The following IL4R variants were observed in gnomAD, a reference collection of about 807,000 sequenced individuals.
The protein encoded by IL4R is interleukin 4 receptor.
A neutral mutation model predicts 41.5 loss-of-function variants in IL4R; 17 were observed. The ratio of observed to expected loss-of-function variants is 0.41; its 90% CI spans 0.28 to 0.61. IL4R has a LOEUF of 0.61. Ranked by LOEUF, IL4R falls within the 20% of genes least tolerant of loss-of-function variation. The pLI, the probability that IL4R is intolerant of heterozygous loss-of-function variation, is 0.31. For missense variants in IL4R, 974 were observed against 1,043.1 expected, an observed-to-expected ratio of 0.93 and a Z score of 0.91; for synonymous variants, 402 against 422.9, an observed-to-expected ratio of 0.95 and a Z score of 0.61.
At chr16:27,322,998 G>A (rs947600864) in intron 1 of IL4R, among the ~76,000 whole-genome samples, 1 of 152,038 alleles carries the variant, frequency 6.6e-6, no homozygotes, top group African/African-American at 2.4e-5. Flanking sequence ...CAGATGCTTG[G>A]GGGTCCCTGC....
chr16:27,363,126 G>T lies in IL4R; in HGVS notation c.1774G>T (p.Val592Leu), dbSNP rs138392496. 530 of 1,614,016 alleles carry T rather than the reference G, an allele frequency of 3.3e-4. No homozygotes were observed. The African/African-American group carries it at 6.4e-3, about 19-fold the overall frequency. ...GCAGGGTGGCACCCAGGCCAGTGCG[G>T]TGGTGGGCTTGGGTCCCCCAGGAGA... ...VEQGGTQASA[V>L]VGLGPPGEAG... Residue 592 changes from valine (V) to leucine (L), a missense_variant, in exon 11 of 11, where the codon GTG (valine) becomes TTG (leucine). Physicochemically the swap from Val to Leu is conservative, Grantham distance 32. Transcript: ENST00000395762.
chr16:27,318,691 G>A (rs1393831063), intron 1 of IL4R: 7 of 152,260 alleles, frequency 4.6e-5, no homozygotes, highest in South Asian at 2.1e-4. Context: ...TGAGGTCTGC[G>A]CTAAAGCCAG....
At chr16:27,350,899 G>A (rs1049927672) in intron 6 of IL4R, among the ~76,000 whole-genome samples, 4 of 152,174 alleles carry the variant, frequency 2.6e-5, no homozygotes, top group Non-Finnish European at 2.9e-5. Context: ...TTTAGAGAGA[G>A]CTTATGTCTA....
chr16:27,329,672 G>A (rs1357666132), intron 1 of IL4R, among the ~76,000 whole-genome samples: 4 of 111,350 alleles, frequency 3.6e-5, no homozygotes, highest in South Asian at 2.8e-4. Flanking sequence ...GCAAACCTCC[G>A]TCTCAAAAAA....
chr16:27,362,427 G>T lies in IL4R; in HGVS notation c.1075G>T (p.Val359Leu). The change falls in exon 11 of 11, where the codon GTG becomes TTG. Residue 359 changes from valine to leucine, a missense_variant. This residue lies in a region of IL4R where 682 missense variants were observed against 704.3 expected (regional missense o/e 0.97). Coordinates refer to ENST00000395762, the MANE Select transcript of IL4R (RefSeq NM_000418.4). ...CCTCTGGCCAGAGAGCATCAGCGTG[G>T]TGCGATGTGTGGAGTTGTTTGAGGC... ...TVLWPESISV[V>L]RCVELFEAPV... The T allele has an allele frequency of 6.2e-7, 1 of 1,614,188 alleles. No individual in the cohort carries two copies. The highest frequency in any genetic ancestry group is 8.5e-7 in the Non-Finnish European group (1 of 1,180,038).
intron 2 of IL4R, among the ~76,000 whole-genome samples, chr16:27,334,578 CCT>C (rs2085201798): frequency 6.6e-6 from 1 of 152,094 alleles, no homozygotes; most frequent in African/African-American, 2.4e-5. Context: ...GGCGTCTTGG[CCT>C]CTCTGTTTCT....
In IL4R at chr16:27,323,968, T is replaced by C. The variant is rs76709209; in HGVS notation, c.-151-6098T>C. Among the ~76,000 whole-genome samples the C allele has an allele frequency of 4.0e-4, 59 of 147,646 alleles. No homozygotes were observed. The South Asian group carries it at 7.3e-3, about 18-fold the overall frequency. On this transcript the variant is annotated intron_variant, in intron 1 of 10. Transcript: ENST00000395762. ...GCCACCGCGCCCAGCCTTCAAGTGC[T>C]TTTTTTTGTTAGTGAGACTGGTACA...
chr16:27,361,413 C>T (rs2086279282), intron 10 of IL4R, among the ~76,000 whole-genome samples: 1 of 152,004 alleles, frequency 6.6e-6, no homozygotes, highest in African/African-American at 2.4e-5. Context: ...TGCCACTGCA[C>T]TCCAGCCTGG....
At position 27,363,896 on chromosome 16, in the gene IL4R, C is replaced by T; in HGVS notation, c.*66C>T. On this transcript the variant is annotated 3_prime_UTR_variant, in exon 11 of 11. Coordinates refer to ENST00000395762, the MANE Select transcript of IL4R (RefSeq NM_000418.4). Reference sequence around the variant, plus strand: ...GGGCTTATCCATGCCTGGGAAATGCCACCTCCTGGAAGGCAGCCAGGCTGG... The same window carrying T: ...GGGCTTATCCATGCCTGGGAAATGCTACCTCCTGGAAGGCAGCCAGGCTGG... 6.6e-7 allele frequency: 1 copy of T among 1,508,228 alleles called. No individual in the cohort carries two copies. Among genetic ancestry groups the T allele is most frequent in the Non-Finnish European group, 8.8e-7 (1 of 1,130,208 alleles). 93.4% of individuals were successfully genotyped at this position (1,508,228 alleles called of 1,614,324 possible).
chr16:27,343,308 G>A (rs556470324), intron 4 of IL4R, among the ~76,000 whole-genome samples: 11 of 152,234 alleles, frequency 7.2e-5, no homozygotes, highest in Admixed American at 4.6e-4. Context: ...ACTATGGCCC[G>A]TGAGCCAAAT....
chr16:27,356,635 C>G (rs999604025), intron 8 of IL4R, among the ~76,000 whole-genome samples: 3 of 152,060 alleles, frequency 2.0e-5, no homozygotes, highest in Non-Finnish European at 4.4e-5. Flanking sequence ...GGAGTCATCC[C>G]ACATCCCCTT....
rs1275529879 is a variant in IL4R, at chr16:27,342,149, C to T, written c.99C>T (p.Thr33=). Residue 33 remains threonine, a synonymous_variant, in exon 4 of 11, where the codon ACC becomes ACT. Transcript: ENST00000395762. ...ACATGAAGGTCTTGCAGGAGCCCAC[C>T]TGCGTCTCCGACTACATGAGCATCT... ...SGNMKVLQEP[T]CVSDYMSIST... The T allele has an allele frequency of 6.2e-7, 1 of 1,614,096 alleles. No homozygotes were observed. Among genetic ancestry groups the T allele is most frequent in the African/African-American group, 1.3e-5 (1 of 74,938 alleles).
At chr16:27,338,299 C>G (rs1053918684) in intron 2 of IL4R, among the ~76,000 whole-genome samples, 4 of 151,732 alleles carry the variant, frequency 2.6e-5, no homozygotes, top group Non-Finnish European at 5.9e-5. Context: ...CTTACTGCAG[C>G]CTTGACATCC....
At chr16:27,361,007 C>A (rs1250068405) in intron 10 of IL4R, 192 bp downstream of exon 10, 3 of 1,468,258 alleles carry the variant, frequency 2.0e-6, no homozygotes, top group Non-Finnish European at 2.7e-6. Flanking sequence ...CCCTGAGTTT[C>A]ACTGGTGTGT....
At chr16:27,348,444 A>C (rs936603516) in intron 6 of IL4R, among the ~76,000 whole-genome samples, 4 of 152,168 alleles carry the variant, frequency 2.6e-5, no homozygotes, top group Non-Finnish European at 5.9e-5. Flanking sequence ...ATATTTCTAG[A>C]TCTGCCTTCA....
At chr16:27,343,308 G>T (rs556470324) in intron 4 of IL4R, among the ~76,000 whole-genome samples, 4 of 152,352 alleles carry the variant, frequency 2.6e-5, no homozygotes, top group Non-Finnish European at 4.4e-5. Context: ...ACTATGGCCC[G>T]TGAGCCAAAT....
At chr16:27,356,065 A>C (rs377251194) in intron 8 of IL4R, among the ~76,000 whole-genome samples, 158 bp downstream of exon 8, 3 of 149,160 alleles carry the variant, frequency 2.0e-5, no homozygotes, top group Non-Finnish European at 4.4e-5. Flanking sequence ...GAACATATCG[A>C]CAAGGACCCC....
At chr16:27,332,642 T>C (rs4787951) in intron 2 of IL4R, among the ~76,000 whole-genome samples, 44,513 of 151,674 alleles carry the variant, frequency 0.29, 6,668 homozygotes, top group East Asian at 0.38. Flanking sequence ...TTCATTGATT[T>C]TCCTCGATTA....
At position 27,362,629 on chromosome 16, in the gene IL4R, A is replaced by C; in HGVS notation, c.1277A>C (p.Asp426Ala). The change falls in exon 11 of 11, where the codon GAC becomes GCC. Residue 426 changes from aspartate to alanine, a missense_variant. Transcript: ENST00000395762. ...GEENGGFCQQ[D>A]MGESCLLPPS... ...GAGAATGGGGGCTTTTGCCAGCAGGACATGGGGGAGTCATGCCTTCTTCCA... is the reference window on the plus strand; with the variant it reads ...GAGAATGGGGGCTTTTGCCAGCAGGCCATGGGGGAGTCATGCCTTCTTCCA... The C allele has an allele frequency of 6.2e-7, 1 of 1,614,118 alleles. No individual in the cohort carries two copies. The highest frequency in any genetic ancestry group is 1.1e-5 in the South Asian group (1 of 91,084).
Sources: gnomAD v4.1 joint callset for allele counts (sites outside exome capture counted in the v4.1 genomes callset) on GRCh38, gnomAD v4.1.1 for gene constraint, gnomAD v4.1.1 regional missense constraint, MANE v1.5 for transcripts, NCBI Gene and HGNC (gene_info 2026-07-23, HGNC 2026-07-21) for gene names.